Variants in GFOD1 observed in about 807,000 individuals in gnomAD.
GFOD1 encodes glucose-fructose oxidoreductase domain-containing protein 1.
Under a neutral mutation model 25.4 loss-of-function variants are expected in GFOD1, and 9 were observed. That is an observed-to-expected ratio of 0.35 (90% CI 0.21 to 0.62). GFOD1 has a LOEUF of 0.62. GFOD1 is among the 20% of genes least tolerant of loss of function. The pLI, the probability that GFOD1 is intolerant of heterozygous loss-of-function variation, is 0.72. For synonymous variants in GFOD1, 253 were observed against 245.6 expected (o/e 1.03, Z -0.28); for missense variants, 403 against 556.9 (o/e 0.72, Z 2.78).
At chr6:13,404,924 A>C (rs555963421) in intron 1 of GFOD1, among the ~76,000 whole-genome samples, 1 of 152,134 alleles carries the variant, frequency 6.6e-6, no homozygotes, top group South Asian at 2.1e-4. Context: ...ATGTTTAAAA[A>C]TTTTTTAATT....
chr6:13,374,460 T>C (rs1003229001), intron 1 of GFOD1, among the ~76,000 whole-genome samples: 3 of 151,602 alleles, frequency 2.0e-5, no homozygotes, highest in African/African-American at 2.4e-5. Flanking sequence ...GCACCTGTAA[T>C]GCACCTGGCT....
At chr6:13,471,468 C>T (rs191553376) in intron 1 of GFOD1, among the ~76,000 whole-genome samples, 14 of 152,264 alleles carry the variant, frequency 9.2e-5, no homozygotes, top group South Asian at 2.1e-4. Flanking sequence ...TGAGGGAAGG[C>T]GGGTGGAGCA....
chr6:13,419,464 C>G (rs1786217140), intron 1 of GFOD1, among the ~76,000 whole-genome samples: 1 of 152,126 alleles, frequency 6.6e-6, no homozygotes, highest in Non-Finnish European at 1.5e-5. Flanking sequence ...TGGACTGTGG[C>G]AGTAGCTGCT....
chr6:13,469,631 T>G (rs1758443833), intron 1 of GFOD1: 1 of 1,116,320 alleles, frequency 9.0e-7, no homozygotes, highest in African/African-American at 1.6e-5. Flanking sequence ...CAAAATACCA[T>G]ATTTCACATA....
At chr6:13,384,578 A>G (rs1210104512) in intron 1 of GFOD1, among the ~76,000 whole-genome samples, 2 of 152,120 alleles carry the variant, frequency 1.3e-5, no homozygotes, top group Non-Finnish European at 2.9e-5. Flanking sequence ...TGCTGTAGAG[A>G]CTTTTTAGTA....
intron 1 of GFOD1, among the ~76,000 whole-genome samples, chr6:13,393,780 C>CTTTTTTTTTT (rs70989854): frequency 6.7e-5 from 8 of 120,290 alleles, no homozygotes; most frequent in Non-Finnish European, 1.3e-4. Flanking sequence ...TTTTTCTTTT[C>CTTTTTTTTTT]TTTTTTTTTT....
In GFOD1 at chr6:13,460,555, G is replaced by C. The variant is rs142167329; in HGVS notation, c.253+26083C>G. ...AAGCCATCATTCTCAGCAAACTTCTGTTCCTGTGAACAGAAAAGCAAACAC... is the reference window on the plus strand; with the variant it reads ...AAGCCATCATTCTCAGCAAACTTCTCTTCCTGTGAACAGAAAAGCAAACAC... On this transcript the variant is annotated intron_variant, in intron 1 of 1. Coordinates refer to ENST00000379287, the MANE Select transcript of GFOD1 (RefSeq NM_018988.4). Among the ~76,000 whole-genome samples the C allele has an allele frequency of 4.3e-3, 656 of 152,248 alleles. 2 individuals carry two copies. Among genetic ancestry groups the C allele is most frequent in the Admixed American group, 8.8e-3 (135 of 15,278 alleles).
In GFOD1 at chr6:13,487,103, AGTGTCCGCCACGCGGGGCTC is replaced by A. The variant is rs1427480099; in HGVS notation, c.-233_-214del. ...GGCGCCTCAGAACGGTGACTGCGGCAGTGTCCGCCACGCGGGGCTCGCGTCCTTCCCGGAGTCGGCGGCAG... is the reference window on the plus strand; with the variant it reads ...GGCGCCTCAGAACGGTGACTGCGGCAGCGTCCTTCCCGGAGTCGGCGGCAG... On this transcript the variant is annotated 5_prime_UTR_variant, in exon 1 of 2. An upstream open reading frame in the 5' UTR loses its in-frame stop. Coordinates refer to ENST00000379287, the MANE Select transcript of GFOD1 (RefSeq NM_018988.4). This position sits in a 1 kb window ranked among gnomAD's most constrained non-coding sequence, Gnocchi z 4.9. 3 of 536,686 alleles carry A rather than the reference AGTGTCCGCCACGCGGGGCTC, an allele frequency of 5.6e-6. No individual in the cohort carries two copies. Among genetic ancestry groups the A allele is most frequent in the Non-Finnish European group, 9.6e-6 (3 of 312,896 alleles). 33.2% of individuals were successfully genotyped at this position (536,686 alleles called of 1,614,324 possible). A position where few individuals can be genotyped will look rare whatever the true frequency, so the allele number is the denominator to read the frequency against.
At chr6:13,398,656 A>T (rs1051031363) in intron 1 of GFOD1, among the ~76,000 whole-genome samples, 1 of 152,156 alleles carries the variant, frequency 6.6e-6, no homozygotes, top group African/African-American at 2.4e-5. Flanking sequence ...GAAAGGAGGT[A>T]ATTTAGGATC....
chr6:13,418,067 G>A (rs1416228641), intron 1 of GFOD1, among the ~76,000 whole-genome samples: 1 of 152,222 alleles, frequency 6.6e-6, no homozygotes, highest in East Asian at 1.9e-4. Context: ...CCTGCACCTG[G>A]AAAGAATGTG....
At chr6:13,448,568 G>A (rs867086042) in intron 1 of GFOD1, among the ~76,000 whole-genome samples, 127 of 152,170 alleles carry the variant, frequency 8.3e-4, no homozygotes, top group African/African-American at 2.8e-3. Context: ...ACCTGATAAG[G>A]ATCTGGTGAA....
intron 1 of GFOD1, among the ~76,000 whole-genome samples, chr6:13,473,093 C>T (rs1758542971): frequency 6.6e-6 from 1 of 152,092 alleles, no homozygotes. Context: ...GTAGCCCCAC[C>T]CACCATGAAA....
chr6:13,395,783 G>A (rs555093140), intron 1 of GFOD1, among the ~76,000 whole-genome samples: 24 of 152,256 alleles, frequency 1.6e-4, no homozygotes, highest in Admixed American at 1.5e-3. Flanking sequence ...CAACGCTACG[G>A]CCACTCCACC....
chr6:13,398,720 C>T (rs1040036178), intron 1 of GFOD1, among the ~76,000 whole-genome samples: 5 of 152,248 alleles, frequency 3.3e-5, no homozygotes, highest in African/African-American at 9.6e-5. Flanking sequence ...ACCTCACTGC[C>T]GCCTGCTCAG....
In GFOD1 at chr6:13,378,043, G is replaced by A. The variant is rs1361120364; in HGVS notation, c.254-12381C>T. Among the ~76,000 whole-genome samples, 6 of 152,194 alleles carry A rather than the reference G, an allele frequency of 3.9e-5. No individual in the cohort carries two copies. The East Asian group carries it at 1.2e-3, about 29-fold the overall frequency. On this transcript the variant is annotated intron_variant, in intron 1 of 1. Transcript: ENST00000379287. Reference sequence around the variant, plus strand: ...AGTCTTGGGGCAGAAAAGGGCACAAGGAAGAGAAGAGGAGCTAAAATTGTA... The same window carrying A: ...AGTCTTGGGGCAGAAAAGGGCACAAAGAAGAGAAGAGGAGCTAAAATTGTA...
At chr6:13,415,196 A>C (rs1786143137) in intron 1 of GFOD1, among the ~76,000 whole-genome samples, 1 of 151,896 alleles carries the variant, frequency 6.6e-6, no homozygotes, top group Admixed American at 6.6e-5. Context: ...AGACACCAAC[A>C]CCTAACTTTT....
intron 1 of GFOD1, among the ~76,000 whole-genome samples, chr6:13,419,555 C>G (rs1256469566): frequency 6.6e-6 from 1 of 152,176 alleles, no homozygotes; most frequent in Non-Finnish European, 1.5e-5. Flanking sequence ...GATCCTGTGA[C>G]TCCCCTGCTA....
At chr6:13,458,107 T>G (rs1200690388) in intron 1 of GFOD1, among the ~76,000 whole-genome samples, 1 of 151,832 alleles carries the variant, frequency 6.6e-6, no homozygotes, top group Non-Finnish European at 1.5e-5. Context: ...ATACAATTTT[T>G]GTTGTTGTTG....
At chr6:13,472,445 T>G (rs1289949429) in intron 1 of GFOD1, among the ~76,000 whole-genome samples, 1 of 152,184 alleles carries the variant, frequency 6.6e-6, no homozygotes, top group Non-Finnish European at 1.5e-5. Context: ...TTAAGCAAGA[T>G]TCTCATATTT....
Sources: allele counts gnomAD v4.1 joint callset (sites outside exome capture counted in the v4.1 genomes callset), GRCh38; gene constraint gnomAD v4.1.1; non-coding constraint Gnocchi (gnomAD v3.1); transcripts MANE v1.5; gene names NCBI Gene and HGNC (gene_info 2026-07-23, HGNC 2026-07-21).